Variants in RNF19B observed in about 807,000 individuals in gnomAD.
RNF19B encodes ring finger protein 19B.
In RNF19B, 23 loss-of-function variants were observed where a neutral mutation model predicts 65.5. The observed-to-expected ratio is 0.35, with a 90% confidence interval of 0.25 to 0.50. RNF19B has a LOEUF of 0.50. RNF19B is among the 20% of genes least tolerant of loss of function. RNF19B has a pLI of 0.98. For synonymous variants in RNF19B, 372 were observed against 379.6 expected, an observed-to-expected ratio of 0.98 and a Z score of 0.23; for missense variants, 794 against 980.0, an observed-to-expected ratio of 0.81 and a Z score of 2.53.
At chr1:32,938,225 C>T in intron 8 of RNF19B, 172 bp downstream of exon 8, 1 of 431,246 alleles carries the variant, frequency 2.3e-6, no homozygotes, top group Non-Finnish European at 4.2e-6. Flanking sequence ...CAAGAAGAAT[C>T]AAGAGATGCC....
the RNF19B span, among the ~76,000 whole-genome samples, chr1:32,929,818 A>G: frequency 1.3e-5 from 2 of 152,108 alleles, no homozygotes; most frequent in Non-Finnish European, 2.9e-5. Flanking sequence ...CATGTATTTC[A>G]TCACTACAGC....
chr1:32,946,437 T>A lies in RNF19B; in HGVS notation c.1111A>T (p.Met371Leu). The A allele has an allele frequency of 6.2e-7, 1 of 1,614,092 alleles. No homozygotes were observed. Among genetic ancestry groups the A allele is most frequent in the South Asian group, 1.1e-5 (1 of 91,086 alleles). The change falls in exon 4 of 9, where the codon ATG (methionine) becomes TTG (leucine). Residue 371 changes from methionine to leucine, a missense_variant. Met to Leu is a conservative substitution (Grantham distance 15). Around this residue, in one of 3 missense-constraint regions of RNF19B, gnomAD observed 52 missense variants for 108.8 expected, o/e 0.48. Transcript: ENST00000235150. ...ACATAAACAGGAATGCCAATGACCA[T>A]GGCAGGAATGGCAATGCCAGCAATG... ...SLIAGIAIPAMVIGIPVYVGR... is the reference protein window; with the variant it reads ...SLIAGIAIPALVIGIPVYVGR...
intron 1 of RNF19B, among the ~76,000 whole-genome samples, chr1:32,952,962 ATTTTTTT>A (rs71278768): frequency 1.5e-4 from 18 of 120,038 alleles, no homozygotes; most frequent in Admixed American, 3.8e-4. Flanking sequence ...TAATCACACA[ATTTTTTT>A]TTTTTTTTTT....
At chr1:32,930,729 T>C in the RNF19B span, among the ~76,000 whole-genome samples, 1 of 152,180 alleles carries the variant, frequency 6.6e-6, no homozygotes, top group South Asian at 2.1e-4. Flanking sequence ...AATTCTACAC[T>C]AAGGAATTTT....
intron 1 of RNF19B, among the ~76,000 whole-genome samples, chr1:32,960,749 C>T (rs576838816): frequency 6.6e-6 from 1 of 152,192 alleles, no homozygotes; most frequent in East Asian, 1.9e-4. Context: ...ATAATCCCAG[C>T]ACTTTGGGAG....
intron 1 of RNF19B, among the ~76,000 whole-genome samples, chr1:32,963,382 T>C (rs1022568422): frequency 2.6e-5 from 4 of 151,864 alleles, no homozygotes; most frequent in Non-Finnish European, 5.9e-5. Flanking sequence ...TCTCATTCCC[T>C]CCTTGGCCAA....
Position 32,960,050 on chromosome 1 carries a change from C to CA in RNF19B, c.635+4000dup, listed in dbSNP as rs879348172. Among the ~76,000 whole-genome samples the CA allele has an allele frequency of 1.0e-3, 142 of 135,744 alleles. 1 individual carries two copies. Among genetic ancestry groups the CA allele is most frequent in the South Asian group, 1.6e-3 (7 of 4,282 alleles). The allele number at this position is 135,744 out of a possible 152,430, so 89.1% of individuals were successfully genotyped here. Reference sequence around the variant, plus strand: ...TGGGTGACAGAGCGAGACTCCGTCTCAAAAAAAAAAAAATTATAATGTGAA... The same window carrying CA: ...TGGGTGACAGAGCGAGACTCCGTCTCAAAAAAAAAAAAAATTATAATGTGAA... On this transcript the variant is annotated intron_variant, in intron 1 of 8. Coordinates refer to ENST00000235150, the MANE Select transcript of RNF19B (RefSeq NM_001300826.2).
At chr1:32,960,398 C>A (rs2124188709) in intron 1 of RNF19B, among the ~76,000 whole-genome samples, 1 of 152,262 alleles carries the variant, frequency 6.6e-6, no homozygotes, top group East Asian at 1.9e-4. Flanking sequence ...TAGGAGGTAA[C>A]TGGGACTTGG....
In RNF19B at chr1:32,955,514, G is replaced by T. The variant is rs1383570922; in HGVS notation, c.636-5740C>A. ...GGAAGCCAAGGTGGGTGGATTGCTTGAGCTCAGGAGTTCGAGACCAGTCTG... is the reference window on the plus strand; with the variant it reads ...GGAAGCCAAGGTGGGTGGATTGCTTTAGCTCAGGAGTTCGAGACCAGTCTG... On this transcript the variant is annotated intron_variant, in intron 1 of 8. Transcript: ENST00000235150. 2.0e-5 allele frequency among the ~76,000 whole-genome samples: 3 copies of T among 150,536 alleles called. 1 individual carries two copies. Among genetic ancestry groups the T allele is most frequent in the Non-Finnish European group, 4.5e-5 (3 of 67,028 alleles).
intron 1 of RNF19B, among the ~76,000 whole-genome samples, chr1:32,963,840 T>C (rs1642831696): frequency 6.6e-6 from 1 of 152,184 alleles, no homozygotes; most frequent in Non-Finnish European, 1.5e-5. Flanking sequence ...CCTCACCGAA[T>C]GCTTAGCAGC....
chr1:32,944,244 C>T, intron 5 of RNF19B, 85 bp from the exon 6 acceptor site: 1 of 1,436,116 alleles, frequency 7.0e-7, no homozygotes, highest in Non-Finnish European at 9.4e-7. Flanking sequence ...CATGGACAAA[C>T]CACTTTATAA....
At chr1:32,929,496 C>A in the RNF19B span, among the ~76,000 whole-genome samples, 4 of 152,166 alleles carry the variant, frequency 2.6e-5, no homozygotes, top group Non-Finnish European at 5.9e-5. Flanking sequence ...TTTTAGGTCT[C>A]AGCATTTGTG....
At chr1:32,953,174 A>T (rs998379404) in intron 1 of RNF19B, among the ~76,000 whole-genome samples, 1 of 150,616 alleles carries the variant, frequency 6.6e-6, no homozygotes, top group Admixed American at 6.6e-5. Flanking sequence ...TGGTCTTGCT[A>T]TGTTGCCCAG....
intron 1 of RNF19B, among the ~76,000 whole-genome samples, chr1:32,957,307 C>G (rs1045629699): frequency 6.6e-6 from 1 of 152,166 alleles, no homozygotes; most frequent in Non-Finnish European, 1.5e-5. Flanking sequence ...GCCTGCTCCT[C>G]TGTGAAGTCT....
chr1:32,939,978 T>C (rs1204009142), intron 7 of RNF19B, among the ~76,000 whole-genome samples: 2 of 152,210 alleles, frequency 1.3e-5, no homozygotes, highest in Non-Finnish European at 2.9e-5. Context: ...AGTCATGAGA[T>C]GCACAGACGG....
Position 32,944,068 on chromosome 1 carries a change from G to A in RNF19B, c.1353C>T (p.Asn451=), listed in dbSNP as rs569915572. 7.1e-5 allele frequency: 114 copies of A among 1,612,858 alleles called. No individual in the cohort carries two copies. In the South Asian group the frequency reaches 8.8e-4, roughly 12 times the overall value. Reference sequence around the variant, plus strand: ...CAAATTCAATTTTCACTCCTTTTCCGTTGGCTGTGCTAACTCCACAGCCGC... The same window carrying A: ...CAAATTCAATTTTCACTCCTTTTCCATTGGCTGTGCTAACTCCACAGCCGC... ...RGGGCGVSTA[N]GKGVKIEFDE... Residue 451 remains asparagine, a synonymous_variant, in exon 6 of 9, where the codon AAC becomes AAT. Coordinates refer to ENST00000235150, the MANE Select transcript of RNF19B (RefSeq NM_001300826.2).
At chr1:32,937,972 T>C (rs1570075853) in intron 8 of RNF19B, among the ~76,000 whole-genome samples, 2 of 151,042 alleles carry the variant, frequency 1.3e-5, no homozygotes, top group Non-Finnish European at 3.0e-5. Flanking sequence ...AGTACCACAA[T>C]CACACCATCC....
intron 4 of RNF19B, 40 bp downstream of exon 4, chr1:32,946,362 A>G (rs764218663): frequency 9.4e-6 from 15 of 1,594,080 alleles, no homozygotes; most frequent in East Asian, 2.2e-5. Flanking sequence ...TAACGAACCT[A>G]AAGTTGAAAC....
chr1:32,929,248 T>A, the RNF19B span, among the ~76,000 whole-genome samples: 1 of 152,232 alleles, frequency 6.6e-6, no homozygotes, highest in East Asian at 1.9e-4. Context: ...TTAGCCTATG[T>A]GCATGTCTTT....
Sources: gnomAD v4.1 joint callset for allele counts (sites outside exome capture counted in the v4.1 genomes callset) on GRCh38, gnomAD v4.1.1 for gene constraint, gnomAD v4.1.1 regional missense constraint, MANE v1.5 for transcripts, NCBI Gene and HGNC (gene_info 2026-07-23, HGNC 2026-07-21) for gene names.